Variants in RHBDF1 observed in about 807,000 individuals in gnomAD.
The protein encoded by RHBDF1 is rhomboid 5 homolog 1, also known as inactive rhomboid protein 1.
RHBDF1 carries 80 observed loss-of-function variants against 98.6 expected under a neutral mutation model. That is an observed-to-expected ratio of 0.81 (90% CI 0.68 to 0.98). The LOEUF (loss-of-function observed/expected upper bound fraction) is 0.98. Ranked by LOEUF, RHBDF1 falls within the 50% of genes least tolerant of loss-of-function variation. RHBDF1 has a pLI of 0.00. For synonymous variants in RHBDF1, 512 were observed against 486.8 expected, an observed-to-expected ratio of 1.05 and a Z score of -0.68; for missense variants, 1,116 against 1,198.3, an observed-to-expected ratio of 0.93 and a Z score of 1.01.
chr16:59,796 T>G lies in RHBDF1; in HGVS notation c.1753A>C (p.Thr585Pro). 5 of 1,614,146 alleles carry G rather than the reference T, an allele frequency of 3.1e-6. No homozygotes were observed. The highest frequency in any genetic ancestry group is 4.2e-6 in the Non-Finnish European group (5 of 1,180,026). ...ACACAGTCCATGTGGGGATGGTTGGTGTGGTTCCCAGCGCTGTTTTTGGTG... is the reference window on the plus strand; with the variant it reads ...ACACAGTCCATGTGGGGATGGTTGGGGTGGTTCCCAGCGCTGTTTTTGGTG... The part of the protein sequence containing the change: ...ICTKNSAGNH[T>P]NHPHMDCVIT... Residue 585 changes from threonine to proline, a missense_variant, in exon 14 of 18, where the codon ACC becomes CCC. Coordinates refer to ENST00000262316, the MANE Select transcript of RHBDF1 (RefSeq NM_022450.5).
upstream of RHBDF1, among the ~76,000 whole-genome samples, chr16:75,673 TCA>T (rs1228900637): frequency 6.6e-6 from 1 of 152,106 alleles, no homozygotes; most frequent in African/African-American, 2.4e-5. Flanking sequence ...AGGATGTAGC[TCA>T]CACACACCCA....
Position 61,925 on chromosome 16 carries a change from G to A in RHBDF1, c.1081C>T (p.Arg361Cys), listed in dbSNP as rs777379972. The A allele has an allele frequency of 9.4e-6, 15 of 1,601,086 alleles. No homozygotes were observed. In the South Asian group the frequency reaches 1.2e-4, roughly 13 times the overall value. Residue 361 changes from arginine (R) to cysteine (C), a missense_variant, in exon 8 of 18, where the codon CGC becomes TGC. Physicochemically the swap from Arg to Cys is radical, Grantham distance 180. Coordinates refer to ENST00000262316, the MANE Select transcript of RHBDF1 (RefSeq NM_022450.5). ...CGCTTCTCCCGGGCGAAGAGCTTGC[G>A]CACCGGCACCGCGATACGCTGGCCC... ...RRGQRIAVPV[R>C]KLFAREKRPY...
upstream of RHBDF1, among the ~76,000 whole-genome samples, chr16:75,837 G>A (rs1035268930): frequency 1.3e-5 from 2 of 152,118 alleles, no homozygotes; most frequent in Non-Finnish European, 2.9e-5. Flanking sequence ...AGGAGTCCAT[G>A]GGCTCTGACC....
intron 4 of RHBDF1, 128 bp from the exon 5 acceptor site, chr16:63,310 T>G (rs1596470705): frequency 2.5e-6 from 2 of 789,484 alleles, no homozygotes; most frequent in South Asian, 1.8e-5. Flanking sequence ...GACAGCTCTA[T>G]GGCCACCACT....
intron 1 of RHBDF1, 73 bp downstream of exon 1, chr16:72,440 G>T: frequency 3.2e-6 from 2 of 625,186 alleles, no homozygotes; most frequent in Non-Finnish European, 3.5e-6. Flanking sequence ...CTGAGGACTC[G>T]CCCCGCCCTC....
chr16:75,693 C>G (rs1444545015), upstream of RHBDF1, among the ~76,000 whole-genome samples: 1 of 152,180 alleles, frequency 6.6e-6, no homozygotes, highest in Non-Finnish European at 1.5e-5. Context: ...CCAACCTCGG[C>G]CTGCCCAGTG....
rs1015354784 is a variant in RHBDF1 at position 62,903 on chromosome 16, G to A, written c.673-6C>T. On this transcript the variant is annotated splice_polypyrimidine_tract_variant and splice_region_variant and intron_variant, in intron 5 of 17. Coordinates refer to ENST00000262316, the MANE Select transcript of RHBDF1 (RefSeq NM_022450.5). ...CCATCCCTAACGGAGCGGCCCTGGG[G>A]ACGGGGAAGTGAGCATGAGACCCGG... 14 of 1,613,598 alleles carry A rather than the reference G, an allele frequency of 8.7e-6. No homozygotes were observed. The highest frequency in any genetic ancestry group is 1.2e-5 in the Non-Finnish European group (14 of 1,179,910).
At chr16:64,444 A>T in intron 3 of RHBDF1, 1 of 1,473,312 alleles carries the variant, frequency 6.8e-7, no homozygotes, top group African/African-American at 1.4e-5. Context: ...TCGGCTGCTA[A>T]GAGGCAAGAG....
intron 13 of RHBDF1, 152 bp from the exon 14 acceptor site, chr16:59,978 T>C: frequency 6.7e-7 from 1 of 1,486,876 alleles, no homozygotes; most frequent in South Asian, 1.4e-5. Flanking sequence ...ACTGAGTCTC[T>C]ATCAAACTGG....
In RHBDF1 at chr16:62,915, A is replaced by G. The variant is rs754857124; in HGVS notation, c.673-18T>C. ...GAGCGGCCCTGGGGACGGGGAAGTG[A>G]GCATGAGACCCGGCTGCTGGGTCGG... is the stretch of plus-strand genomic sequence containing the variant. On this transcript the variant is annotated intron_variant, in intron 5 of 17. Transcript: ENST00000262316. 3.1e-6 allele frequency: 5 copies of G among 1,613,452 alleles called. No individual in the cohort carries two copies. The South Asian group carries it at 5.5e-5, about 18-fold the overall frequency.
intron 13 of RHBDF1, 105 bp downstream of exon 13, chr16:60,111 G>A: frequency 1.3e-6 from 2 of 1,583,056 alleles, no homozygotes; most frequent in Admixed American, 1.7e-5. Context: ...GAAAACGTGA[G>A]GTGGTCCCAT....
intron 11 of RHBDF1, 31 bp downstream of exon 11, chr16:61,089 G>A (rs1596466685): frequency 9.2e-6 from 14 of 1,513,562 alleles, no homozygotes; most frequent in Non-Finnish European, 1.2e-5. Flanking sequence ...CCGGGCAGAC[G>A]AAGGCGGGAG....
At chr16:63,972 T>C (rs2157115) in intron 3 of RHBDF1, 172 bp from the exon 4 acceptor site, 503,576 of 754,138 alleles carry the variant, frequency 0.67, 171,142 homozygotes, top group Non-Finnish European at 0.7. Context: ...AGCCACCCCC[T>C]GAACTGTTAG....
At chr16:65,673 AG>A (rs1487677613) in intron 1 of RHBDF1, among the ~76,000 whole-genome samples, 30 of 152,202 alleles carry the variant, frequency 2.0e-4, no homozygotes, top group Admixed American at 1.8e-3. Flanking sequence ...CTTCCACTCC[AG>A]GGACAAAGGG....
At chr16:62,510 G>T in intron 7 of RHBDF1, 28 bp downstream of exon 7, 2 of 1,607,078 alleles carry the variant, frequency 1.2e-6, no homozygotes, top group Non-Finnish European at 1.7e-6. Flanking sequence ...GTCTCTCTCT[G>T]CCCCTCTTCC....
chr16:68,005 C>A (rs1452122215), intron 1 of RHBDF1, among the ~76,000 whole-genome samples: 2 of 151,968 alleles, frequency 1.3e-5, no homozygotes, highest in African/African-American at 4.8e-5. Flanking sequence ...AGGAACCTCC[C>A]CAGGACTGTC....
intron 13 of RHBDF1, 110 bp downstream of exon 13, chr16:60,106 C>T (rs1414457168): frequency 3.2e-5 from 51 of 1,574,150 alleles, no homozygotes; most frequent in African/African-American, 4.0e-5. Context: ...CCTCTGAAAA[C>T]GTGAGGTGGT....
intron 1 of RHBDF1, among the ~76,000 whole-genome samples, chr16:66,749 C>T (rs1192576385): frequency 6.6e-6 from 1 of 152,226 alleles, no homozygotes; most frequent in Non-Finnish European, 1.5e-5. Context: ...CACATGGCCC[C>T]CTAAGGCTGA....
chr16:59,021 C>T lies in RHBDF1; in HGVS notation c.2101G>A (p.Val701Ile), dbSNP rs1199016081. The T allele has an allele frequency of 2.5e-6, 4 of 1,613,320 alleles. No homozygotes were observed. The highest frequency in any genetic ancestry group is 2.2e-5 in the East Asian group (1 of 44,888). ...ATGGCACTGGCCAGGTTGCCGGTGA[C>T]ACCACTCAGCAGGTAGATGATGGCT... is the stretch of plus-strand genomic sequence containing the variant. Reference protein sequence around the residue: ...RIAIIYLLSGVTGNLASAIFL... With the variant: ...RIAIIYLLSGITGNLASAIFL... Residue 701 changes from valine to isoleucine, a missense_variant, in exon 17 of 18, where the codon GTC becomes ATC. Coordinates refer to ENST00000262316, the MANE Select transcript of RHBDF1 (RefSeq NM_022450.5).
Sources: allele counts gnomAD v4.1 joint callset (sites outside exome capture counted in the v4.1 genomes callset), GRCh38; gene constraint gnomAD v4.1.1; transcripts MANE v1.5; gene names NCBI Gene and HGNC (gene_info 2026-07-23, HGNC 2026-07-21).